Variants in LRRC1 observed in about 807,000 individuals in gnomAD.
LRRC1 encodes the protein leucine rich repeat containing 1.
Under a neutral mutation model 69.9 loss-of-function variants are expected in LRRC1, and 28 were observed. The observed-to-expected ratio is 0.40, with a 90% CI of 0.30 to 0.55. The LOEUF is 0.55. LRRC1 is among the 20% of genes least tolerant of loss of function. The probability of loss-of-function intolerance (pLI) is 0.47; values close to 1 mark genes in which losing one functional copy is unlikely to be tolerated. For missense variants in LRRC1, 498 were observed against 609.0 expected, an observed-to-expected ratio of 0.82 and a Z score of 1.92; for synonymous variants, 236 against 240.2, an observed-to-expected ratio of 0.98 and a Z score of 0.16.
chr6:53,862,569 A>C (rs1766564969), intron 2 of LRRC1, among the ~76,000 whole-genome samples: 3 of 152,124 alleles, frequency 2.0e-5, no homozygotes, highest in African/African-American at 7.2e-5. Context: ...TTTAGGTGAA[A>C]ACCTTTTTGA....
intron 1 of LRRC1, among the ~76,000 whole-genome samples, chr6:53,804,367 A>G (rs1764578135): frequency 6.6e-6 from 1 of 152,200 alleles, no homozygotes; most frequent in Non-Finnish European, 1.5e-5. Flanking sequence ...ATCACCTCAC[A>G]TATTTATTAT....
chr6:53,900,018 CTGTTTTTTTTTTTT>C, intron 8 of LRRC1, 127 bp downstream of exon 8: 1 of 283,934 alleles, frequency 3.5e-6, no homozygotes, highest in Non-Finnish European at 5.9e-6. Flanking sequence ...AGTCTCCTTA[CTGTTTTTTTTTTTT>C]TTTTTTTTTT....
At chr6:53,852,669 A>G (rs1481426285) in intron 2 of LRRC1, among the ~76,000 whole-genome samples, 1 of 152,170 alleles carries the variant, frequency 6.6e-6, no homozygotes, top group Admixed American at 6.5e-5. Context: ...AGTTTATTGA[A>G]GATAATAAGG....
chr6:53,823,228 C>A (rs1379418678), intron 1 of LRRC1, among the ~76,000 whole-genome samples: 3 of 152,056 alleles, frequency 2.0e-5, no homozygotes, highest in African/African-American at 7.2e-5. Flanking sequence ...TTAGTATGGA[C>A]CATATTGATA....
intron 1 of LRRC1, among the ~76,000 whole-genome samples, chr6:53,811,111 G>A (rs1317661167): frequency 1.3e-5 from 2 of 152,136 alleles, no homozygotes; most frequent in African/African-American, 4.8e-5. Flanking sequence ...ATTTTGTATG[G>A]AGTAGTTTAG....
chr6:53,843,656 A>G (rs1188464911), intron 2 of LRRC1, among the ~76,000 whole-genome samples: 1 of 152,096 alleles, frequency 6.6e-6, no homozygotes, highest in Non-Finnish European at 1.5e-5. Flanking sequence ...AGTGGATTTG[A>G]TTGTAAGGAA....
intron 2 of LRRC1, among the ~76,000 whole-genome samples, chr6:53,844,345 G>A (rs2127417005): frequency 6.6e-6 from 1 of 152,284 alleles, no homozygotes; most frequent in South Asian, 2.1e-4. Flanking sequence ...AAATACTTAA[G>A]AAAGACGAAA....
intron 13 of LRRC1, among the ~76,000 whole-genome samples, chr6:53,921,599 C>G (rs1350267515): frequency 6.6e-6 from 1 of 152,216 alleles, no homozygotes; most frequent in Non-Finnish European, 1.5e-5. Context: ...GTCTCTCAGA[C>G]ATCCATCATC....
intron 2 of LRRC1, among the ~76,000 whole-genome samples, chr6:53,864,043 A>G (rs1766615502): frequency 6.6e-6 from 1 of 152,072 alleles, no homozygotes; most frequent in Non-Finnish European, 1.5e-5. Context: ...ATCTTTGTAA[A>G]AATAGTTTGG....
intron 1 of LRRC1, among the ~76,000 whole-genome samples, chr6:53,827,310 CAA>C (rs11387003): frequency 2.4e-5 from 3 of 126,054 alleles, no homozygotes; most frequent in African/African-American, 2.9e-5. Flanking sequence ...AACACTTCCA[CAA>C]AAAAAAAAAA....
intron 1 of LRRC1, among the ~76,000 whole-genome samples, chr6:53,800,333 C>T (rs1472038103): frequency 2.7e-5 from 4 of 145,536 alleles, no homozygotes; most frequent in African/African-American, 1.0e-4. Flanking sequence ...CTCACTGCAA[C>T]CTCCGTCTCC....
intron 1 of LRRC1, among the ~76,000 whole-genome samples, chr6:53,802,942 A>G (rs1392094741): frequency 6.6e-6 from 1 of 152,190 alleles, no homozygotes; most frequent in Non-Finnish European, 1.5e-5. Flanking sequence ...AGAGTTGACA[A>G]AGATAGAGTC....
chr6:53,816,595 G>GTTGCCTTTAAATGTA (rs1326555297), intron 1 of LRRC1, among the ~76,000 whole-genome samples: 1 of 152,044 alleles, frequency 6.6e-6, no homozygotes, highest in Non-Finnish European at 1.5e-5. Context: ...ATTTTTAGTT[G>GTTGCCTTTAAATGTA]TTGCCTTTAA....
chr6:53,844,643 G>C (rs1765884064), intron 2 of LRRC1, among the ~76,000 whole-genome samples: 1 of 152,152 alleles, frequency 6.6e-6, no homozygotes, highest in Admixed American at 6.5e-5. Flanking sequence ...CACCTACCCT[G>C]CTTTTTGTTG....
intron 1 of LRRC1, among the ~76,000 whole-genome samples, chr6:53,831,663 C>T (rs2127412669): frequency 6.6e-6 from 1 of 152,286 alleles, no homozygotes; most frequent in East Asian, 1.9e-4. Flanking sequence ...TTTCTTTCCT[C>T]CATTACTTAC....
intron 1 of LRRC1, among the ~76,000 whole-genome samples, chr6:53,814,883 A>G (rs1764906062): frequency 6.6e-6 from 1 of 152,116 alleles, no homozygotes; most frequent in East Asian, 1.9e-4. Flanking sequence ...CTAAGTGATG[A>G]TTTTAAAGAA....
chr6:53,867,034 T>C (rs1375543308), intron 2 of LRRC1, among the ~76,000 whole-genome samples: 3 of 151,874 alleles, frequency 2.0e-5, no homozygotes, highest in African/African-American at 7.3e-5. Flanking sequence ...CAAGATGTCT[T>C]GGTGGTCAAG....
chr6:53,802,890 G>A (rs573766957), intron 1 of LRRC1, among the ~76,000 whole-genome samples: 30 of 152,282 alleles, frequency 2.0e-4, no homozygotes, highest in Non-Finnish European at 2.9e-5. Flanking sequence ...AGTAGCTCAA[G>A]TCCTTGAGAA....
chr6:53,894,935 CTT>C (rs563962682), intron 4 of LRRC1, among the ~76,000 whole-genome samples: 13 of 141,438 alleles, frequency 9.2e-5, no homozygotes, highest in Admixed American at 1.4e-4. Context: ...GTTTTTTTTT[CTT>C]TTTTTTTTTT....
Sources: allele counts gnomAD v4.1 joint callset (sites outside exome capture counted in the v4.1 genomes callset), GRCh38; gene constraint gnomAD v4.1.1; transcripts MANE v1.5; gene names NCBI Gene and HGNC (gene_info 2026-07-23, HGNC 2026-07-21).